Variants in NGF observed in about 807,000 individuals in gnomAD.
NGF encodes the protein beta-nerve growth factor.
A neutral mutation model predicts 12.8 loss-of-function variants in NGF; 4 were observed. The observed-to-expected ratio is 0.31, with a 90% CI of 0.15 to 0.72. The LOEUF (loss-of-function observed/expected upper bound fraction) is 0.72. NGF is among the 30% of genes least tolerant of loss of function. The pLI is 0.69. For synonymous variants in NGF, 140 were observed against 130.0 expected (o/e 1.08, Z -0.52); for missense variants, 283 against 330.8 (o/e 0.86, Z 1.12).
chr1:115,285,989 A>C lies in NGF; in HGVS notation c.*81T>G. On this transcript the variant is annotated 3_prime_UTR_variant, in exon 3 of 3. Coordinates refer to ENST00000369512, the MANE Select transcript of NGF (RefSeq NM_002506.3). Reference sequence around the variant, plus strand: ...TATAAATTACCATGCAGTCCTTATAATTTAAAATAATTTACAGGTTGAGGT... The same window carrying C: ...TATAAATTACCATGCAGTCCTTATACTTTAAAATAATTTACAGGTTGAGGT... 6.6e-7 allele frequency: 1 copy of C among 1,526,420 alleles called. No homozygotes were observed. The highest frequency in any genetic ancestry group is 8.8e-7 in the Non-Finnish European group (1 of 1,132,598). The allele number at this position is 1,526,420 out of a possible 1,614,324, so 94.6% of individuals were successfully genotyped here. A position where few individuals can be genotyped will look rare whatever the true frequency, so the allele number is the denominator to read the frequency against.
At chr1:115,297,027 T>C (rs147966494) in intron 1 of NGF, among the ~76,000 whole-genome samples, 82 of 152,356 alleles carry the variant, frequency 5.4e-4, no homozygotes, top group African/African-American at 1.9e-3. Flanking sequence ...TAATAAAGTC[T>C]GATGTACTTC....
chr1:115,312,535 C>T (rs1430039334), intron 1 of NGF, among the ~76,000 whole-genome samples: 1 of 152,174 alleles, frequency 6.6e-6, no homozygotes, highest in Non-Finnish European at 1.5e-5. Context: ...GGAGGGGTCA[C>T]AGAAGCCTGT....
chr1:115,332,506 T>C, intron 1 of NGF, among the ~76,000 whole-genome samples: 1 of 127,848 alleles, frequency 7.8e-6, no homozygotes, highest in Non-Finnish European at 1.6e-5. Context: ...GATGTTATCC[T>C]ACCTGAAATT....
At chr1:115,308,247 GC>G (rs776775573) in intron 1 of NGF, among the ~76,000 whole-genome samples, 1 of 152,210 alleles carries the variant, frequency 6.6e-6, no homozygotes, top group African/African-American at 2.4e-5. Context: ...CTGTGCCACT[GC>G]CATGCCCCTG....
At chr1:115,300,754 A>G (rs1638839661) in intron 1 of NGF, among the ~76,000 whole-genome samples, 1 of 152,232 alleles carries the variant, frequency 6.6e-6, no homozygotes, top group Admixed American at 6.5e-5. Context: ...AGGTAACCTG[A>G]GGCGAAGAGC....
intron 1 of NGF, among the ~76,000 whole-genome samples, chr1:115,316,659 CTT>C (rs1190464789): frequency 6.6e-6 from 1 of 152,102 alleles, no homozygotes; most frequent in African/African-American, 2.4e-5. Context: ...CTTACTCTAA[CTT>C]AATGTTTTAC....
At chr1:115,321,642 C>A (rs961878669) in intron 1 of NGF, among the ~76,000 whole-genome samples, 8 of 145,300 alleles carry the variant, frequency 5.5e-5, no homozygotes, top group Non-Finnish European at 7.5e-5. Flanking sequence ...TAGCCAAGGG[C>A]AGATGATAGA....
intron 2 of NGF, among the ~76,000 whole-genome samples, chr1:115,292,493 G>T (rs895160371): frequency 6.6e-6 from 1 of 152,036 alleles, no homozygotes; most frequent in South Asian, 2.1e-4. Flanking sequence ...TGTTGGTCTG[G>T]GGACCATATT....
chr1:115,301,233 T>C (rs1654025834), intron 1 of NGF, among the ~76,000 whole-genome samples: 1 of 152,174 alleles, frequency 6.6e-6, no homozygotes, highest in South Asian at 2.1e-4. Flanking sequence ...ACATTGTGAG[T>C]AATTAGAAAT....
chr1:115,328,820 G>A (rs1191163393), intron 1 of NGF, among the ~76,000 whole-genome samples: 1 of 152,112 alleles, frequency 6.6e-6, no homozygotes, highest in African/African-American at 2.4e-5. Context: ...GTGCCCCTTG[G>A]ACAATTACTG....
chr1:115,333,719 T>C (rs868852639), intron 1 of NGF, among the ~76,000 whole-genome samples: 2 of 128,648 alleles, frequency 1.6e-5, no homozygotes, highest in Admixed American at 1.7e-4. Context: ...CTTTCTTTTC[T>C]TTCTTTCCTT....
At chr1:115,315,159 A>T (rs1349220503) in intron 1 of NGF, among the ~76,000 whole-genome samples, 1 of 152,184 alleles carries the variant, frequency 6.6e-6, no homozygotes, top group Non-Finnish European at 1.5e-5. Flanking sequence ...GTAGGGCTTT[A>T]TGGACCCTGG....
intron 1 of NGF, among the ~76,000 whole-genome samples, chr1:115,328,741 C>G (rs1654836287): frequency 6.6e-6 from 1 of 152,156 alleles, no homozygotes; most frequent in Non-Finnish European, 1.5e-5. Flanking sequence ...AGCGTTTACC[C>G]CAGTGGCAAG....
chr1:115,327,854 C>T (rs75458933), intron 1 of NGF, among the ~76,000 whole-genome samples: 2,271 of 152,248 alleles, frequency 0.015, 37 homozygotes, highest in Non-Finnish European at 0.02. Context: ...ACAAATGTCT[C>T]TCTTCTGCTA....
chr1:115,328,133 G>A (rs887509022), intron 1 of NGF, among the ~76,000 whole-genome samples: 5 of 150,920 alleles, frequency 3.3e-5, no homozygotes, highest in Admixed American at 6.6e-5. Context: ...TACTAGCGGT[G>A]AAAATGGGGC....
At chr1:115,321,943 T>C (rs1178827194) in intron 1 of NGF, among the ~76,000 whole-genome samples, 2 of 152,234 alleles carry the variant, frequency 1.3e-5, no homozygotes, top group Non-Finnish European at 2.9e-5. Context: ...TCATACTTGC[T>C]GCAGAATTAG....
chr1:115,314,918 G>A (rs368829770), intron 1 of NGF, among the ~76,000 whole-genome samples: 4 of 152,298 alleles, frequency 2.6e-5, no homozygotes, highest in South Asian at 2.1e-4. Context: ...AAGTTGAGGC[G>A]CTAGTTTGGT....
chr1:115,286,952 T>G, intron 2 of NGF, 145 bp from the exon 3 acceptor site: 1 of 1,017,976 alleles, frequency 9.8e-7, no homozygotes. Flanking sequence ...GGAAAGGGTG[T>G]GCTAGCAATG....
chr1:115,301,378 T>C (rs1422319891), intron 1 of NGF, among the ~76,000 whole-genome samples: 1 of 152,212 alleles, frequency 6.6e-6, no homozygotes, highest in Non-Finnish European at 1.5e-5. Flanking sequence ...ACCCTCCATA[T>C]TGGATTATTG....
Sources: allele counts gnomAD v4.1 joint callset (sites outside exome capture counted in the v4.1 genomes callset), GRCh38; gene constraint gnomAD v4.1.1; transcripts MANE v1.5; gene names NCBI Gene and HGNC (gene_info 2026-07-23, HGNC 2026-07-21).